The following ABCC10 variants were observed in gnomAD, a reference collection of about 807,000 sequenced individuals.
ABCC10 encodes ATP-binding cassette sub-family C member 10.
Under a neutral mutation model 143.2 loss-of-function variants are expected in ABCC10, and 110 were observed. The ratio of observed to expected loss-of-function variants is 0.77; its 90% CI spans 0.66 to 0.90. The LOEUF is 0.90. ABCC10 is among the 40% of genes least tolerant of loss of function. The probability of loss-of-function intolerance (pLI) is 0.00; values close to 1 mark genes in which losing one functional copy is unlikely to be tolerated. For missense variants in ABCC10, 1,700 were observed against 1,900.5 expected (o/e 0.89, Z 1.96); for synonymous variants, 805 against 846.7 (o/e 0.95, Z 0.85).
At chr6:43,435,680 C>G in intron 4 of ABCC10, 71 bp from the exon 5 acceptor site, 4 of 1,554,574 alleles carry the variant, frequency 2.6e-6, no homozygotes, top group Non-Finnish European at 3.5e-6. Context: ...GTAGACCTGT[C>G]CACAGGGCTT....
intron 12 of ABCC10, 52 bp downstream of exon 12, chr6:43,444,405 T>G (rs755188598): frequency 6.5e-7 from 1 of 1,534,550 alleles, no homozygotes; most frequent in Non-Finnish European, 8.7e-7. Flanking sequence ...GCTGTCTAGG[T>G]GCCCATTACC....
Position 43,445,412 on chromosome 6 carries a change from C to T in ABCC10, c.3030+98C>T, listed in dbSNP as rs1581777655. On this transcript the variant is annotated intron_variant, in intron 14 of 21. Coordinates refer to ENST00000372530, the MANE Select transcript of ABCC10 (RefSeq NM_001198934.2). ...CTCCACTGGGGATGGGAGAGTCTTTCCTGCCCTGGGATATTCTTCCTCAAC... is the reference window on the plus strand; with the variant it reads ...CTCCACTGGGGATGGGAGAGTCTTTTCTGCCCTGGGATATTCTTCCTCAAC... The T allele has an allele frequency of 2.1e-6, 3 of 1,427,220 alleles. No homozygotes were observed. The East Asian group carries it at 7.4e-5, about 35-fold the overall frequency. 88.4% of individuals were successfully genotyped at this position (1,427,220 alleles called of 1,614,324 possible). A position where few individuals can be genotyped will look rare whatever the true frequency, so the allele number is the denominator to read the frequency against.
intron 7 of ABCC10, 127 bp from the exon 8 acceptor site, chr6:43,438,497 C>A: frequency 6.9e-7 from 1 of 1,456,112 alleles, no homozygotes; most frequent in South Asian, 1.4e-5. Context: ...CCATCTCAGT[C>A]ATGTGACATG....
Position 43,450,226 on chromosome 6 carries a change from C to G in ABCC10, c.*135C>G. On this transcript the variant is annotated 3_prime_UTR_variant, in exon 22 of 22. Coordinates refer to ENST00000372530, the MANE Select transcript of ABCC10 (RefSeq NM_001198934.2). The surrounding 1 kb of genome is among the most constrained non-coding windows in gnomAD (Gnocchi z 4.5). ...ACTTCCCCAGAAGGGAAAAGGGCAC[C>G]CTGGATTACTCTTTGGAAATCACTC... is the stretch of plus-strand genomic sequence containing the variant. 1 of 1,131,786 alleles carries G rather than the reference C, an allele frequency of 8.8e-7. No homozygotes were observed. Among genetic ancestry groups the G allele is most frequent in the South Asian group, 1.6e-5 (1 of 62,090 alleles). 70.1% of individuals were successfully genotyped at this position (1,131,786 alleles called of 1,614,324 possible).
At chr6:43,439,940 A>G (rs767039438) in intron 8 of ABCC10, among the ~76,000 whole-genome samples, 64 of 150,380 alleles carry the variant, frequency 4.3e-4, no homozygotes, top group African/African-American at 1.5e-3. Flanking sequence ...ATTTTATGTA[A>G]AAGCTTTTAT....
At position 43,449,838 on chromosome 6, in the gene ABCC10, T is replaced by C. The variant is rs1033359365; in HGVS notation, c.4317-91T>C. ...AAAGCCTGTGGGGACAGACCTGTGG[T>C]GTCCCGAGGGGAGAGGAGGGAAAGC... On this transcript the variant is annotated intron_variant, in intron 21 of 21. Transcript: ENST00000372530. The C allele has an allele frequency of 3.5e-6, 5 of 1,438,508 alleles. No individual in the cohort carries two copies. In the African/African-American group the frequency reaches 7.0e-5, roughly 20 times the overall value. 89.1% of individuals were successfully genotyped at this position (1,438,508 alleles called of 1,614,324 possible).
intron 2 of ABCC10, among the ~76,000 whole-genome samples, chr6:43,429,373 TGTGTGTGTG>T: frequency 6.4e-5 from 1 of 15,634 alleles, no homozygotes. Flanking sequence ...TTTTCTTTCT[TGTGTGTGTG>T]TGTGTGTGTG....
chr6:43,448,143 C>T (rs924992738), intron 18 of ABCC10: 25 of 807,572 alleles, frequency 3.1e-5, no homozygotes, highest in South Asian at 1.5e-4. Context: ...AGGTCTTCCT[C>T]GCCCTGACCC....
chr6:43,448,124 G>C, intron 18 of ABCC10, 187 bp downstream of exon 18: 1 of 933,698 alleles, frequency 1.1e-6, no homozygotes, highest in African/African-American at 1.6e-5. Flanking sequence ...TTCATGGCTG[G>C]TGATCTCAAG....
chr6:43,442,440 A>C (rs1240173641), intron 9 of ABCC10, among the ~76,000 whole-genome samples: 2 of 152,298 alleles, frequency 1.3e-5, no homozygotes, highest in African/African-American at 4.8e-5. Flanking sequence ...GCATAGTGGC[A>C]CATGCCTGTA....
At chr6:43,435,095 G>A (rs942338040) in intron 4 of ABCC10, 3 of 491,440 alleles carry the variant, frequency 6.1e-6, no homozygotes, top group Admixed American at 3.3e-5. Context: ...TCCAGGCTTG[G>A]GGTTAGGTCT....
chr6:43,450,766 C>T (rs1172665546), downstream of ABCC10: 4 of 1,614,226 alleles, frequency 2.5e-6, no homozygotes, highest in Admixed American at 1.7e-5. The surrounding 1 kb of genome is among the most constrained non-coding windows in gnomAD (Gnocchi z 4.5). Context: ...ACCACCAGGG[C>T]CACCAAGCTA....
chr6:43,434,815 T>C lies in ABCC10; in HGVS notation c.1575T>C (p.Tyr525=). ...VVISIVIFIT[Y]VLMGHQLTAT... ...TCTCCATCGTTATCTTCATCACCTA[T>C]GTCCTCATGGGGCACCAGCTCACTG... The change falls in exon 4 of 22, where the codon TAT becomes TAC. Residue 525 remains tyrosine (Y), a synonymous_variant. Coordinates refer to ENST00000372530, the MANE Select transcript of ABCC10 (RefSeq NM_001198934.2). 3 of 1,614,170 alleles carry C rather than the reference T, an allele frequency of 1.9e-6. No homozygotes were observed. Among genetic ancestry groups the C allele is most frequent in the Non-Finnish European group, 2.5e-6 (3 of 1,180,018 alleles).
Position 43,435,020 on chromosome 6 carries a change from C to T in ABCC10, c.1608+172C>T, listed in dbSNP as rs1581719587. The T allele has an allele frequency of 2.2e-5, 14 of 641,418 alleles. No homozygotes were observed. The East Asian group carries it at 3.8e-4, about 18-fold the overall frequency. The allele number at this position is 641,418 out of a possible 1,614,324, so 39.7% of individuals were successfully genotyped here. A position where few individuals can be genotyped will look rare whatever the true frequency, so the allele number is the denominator to read the frequency against. On this transcript the variant is annotated intron_variant, in intron 4 of 21. Coordinates refer to ENST00000372530, the MANE Select transcript of ABCC10 (RefSeq NM_001198934.2). ...TTGTGGGGGCCTTGGATATATAACC[C>T]TCCCCTCTGTGAAGGAGTTCCTTTC...
Position 43,449,528 on chromosome 6 carries a change from C to T in ABCC10, c.4310C>T (p.Ala1437Val). The T allele has an allele frequency of 1.2e-6, 2 of 1,612,742 alleles. No individual in the cohort carries two copies. Among genetic ancestry groups the T allele is most frequent in the Non-Finnish European group, 1.7e-6 (2 of 1,179,242 alleles). The part of the protein sequence containing the change: ...RFANKTVLTI[A>V]HRLNTILNSD... ...GCCAACAAGACAGTGCTGACCATTG[C>T]CCATAGGTATGTAAACGCCTGGTAA... is the stretch of plus-strand genomic sequence containing the variant. The change falls in exon 21 of 22, where the codon GCC becomes GTC. Residue 1437 changes from alanine to valine, a missense_variant. Physicochemically the swap from Ala to Val is moderately conservative, Grantham distance 64. Coordinates refer to ENST00000372530, the MANE Select transcript of ABCC10 (RefSeq NM_001198934.2).
Position 43,446,329 on chromosome 6 carries a change from GC to G in ABCC10, c.3429del (p.Thr1144ProfsTer51). 1.2e-6 allele frequency: 2 copies of G among 1,613,984 alleles called. No individual in the cohort carries two copies. Among genetic ancestry groups the G allele is most frequent in the South Asian group, 2.2e-5 (2 of 91,078 alleles). On this transcript the variant is annotated frameshift_variant, in exon 16 of 22. Transcript: ENST00000372530. LOFTEE classifies it high-confidence loss of function. Reference protein sequence around the residue: ...LLELNQRCQFATSATMQWLDI... With the variant: ...LLELNQRCQFXTSATMQWLDI... The stretch of plus-strand genomic sequence containing the variant: ...TGAGCTAAACCAGAGGTGCCAGTTT[GC>G]CACCAGTGCCACAATGCAGTGGCTG...
At chr6:43,449,232 A>G in intron 20 of ABCC10, 28 bp downstream of exon 20, 1 of 1,604,100 alleles carries the variant, frequency 6.2e-7, no homozygotes, top group Non-Finnish European at 8.5e-7. Flanking sequence ...GACATTAGAG[A>G]GGGCCAGGAA....
intron 5 of ABCC10, 32 bp downstream of exon 5, chr6:43,435,939 C>G (rs375452026): frequency 6.2e-7 from 1 of 1,612,960 alleles, no homozygotes; most frequent in Non-Finnish European, 8.5e-7. Context: ...GAACCTGGCA[C>G]AGGGTGAGGA....
chr6:43,429,410 G>GTGTGTGTGTA (rs555695734), intron 2 of ABCC10, among the ~76,000 whole-genome samples: 1 of 33,394 alleles, frequency 3.0e-5, no homozygotes, highest in Non-Finnish European at 6.7e-5. Flanking sequence ...GTGTGTGTGT[G>GTGTGTGTGTA]GCGGGGGGGA....
Sources: gnomAD v4.1 joint callset for allele counts (sites outside exome capture counted in the v4.1 genomes callset) on GRCh38, gnomAD v4.1.1 for gene constraint, Gnocchi (gnomAD v3.1) non-coding constraint, MANE v1.5 for transcripts, NCBI Gene and HGNC (gene_info 2026-07-23, HGNC 2026-07-21) for gene names.